HERC3: variants seen among roughly 807,000 people sequenced by gnomAD.
HERC3 encodes probable E3 ubiquitin-protein ligase HERC3.
In HERC3, 58 loss-of-function variants were observed where a neutral mutation model predicts 129.9. That is an observed-to-expected ratio of 0.45 (90% CI 0.36 to 0.56). The LOEUF is 0.56. HERC3 is among the 20% of genes least tolerant of loss of function. HERC3 has a pLI of 0.00. For synonymous variants in HERC3, 430 were observed against 451.0 expected (o/e 0.95, Z 0.59); for missense variants, 835 against 1,244.2 (o/e 0.67, Z 4.95).
chr4:88,554,159 A>G, the HERC3 span, among the ~76,000 whole-genome samples: 1 of 152,112 alleles, frequency 6.6e-6, no homozygotes, highest in African/African-American at 2.4e-5. Context: ...CATCCTGGCC[A>G]ACATGGTGAA....
chr4:88,539,773 G>A, the HERC3 span, among the ~76,000 whole-genome samples: 255 of 152,270 alleles, frequency 1.7e-3, 2 homozygotes, highest in African/African-American at 6.0e-3. Flanking sequence ...TGCAGCTTCC[G>A]CTGGTGATAC....
intron 10 of HERC3, among the ~76,000 whole-genome samples, chr4:88,659,476 A>G (rs1320709730): frequency 6.6e-6 from 1 of 152,228 alleles, no homozygotes; most frequent in Non-Finnish European, 1.5e-5. Flanking sequence ...CCGAGGCTGT[A>G]GGCTGGACAG....
At position 88,677,960 on chromosome 4, in the gene HERC3, C is replaced by G. The variant is rs1339941357; in HGVS notation, c.2026-4C>G. On this transcript the variant is annotated splice_polypyrimidine_tract_variant and splice_region_variant and intron_variant, in intron 18 of 25. Transcript: ENST00000402738. ...TAATTGCTTTCTTGACTGTGCCATT[C>G]CAGGTGGCAGTCAATGGAGCCAACC... is the stretch of plus-strand genomic sequence containing the variant. 6.2e-7 allele frequency: 1 copy of G among 1,610,452 alleles called. No individual in the cohort carries two copies. The highest frequency in any genetic ancestry group is 8.5e-7 in the Non-Finnish European group (1 of 1,179,800).
intron 2 of HERC3, among the ~76,000 whole-genome samples, chr4:88,601,262 A>G (rs1722931184): frequency 6.6e-6 from 1 of 152,228 alleles, no homozygotes; most frequent in Non-Finnish European, 1.5e-5. Context: ...AGTTCAAAGC[A>G]TACCTCAGGA....
chr4:88,579,338 C>T, the HERC3 span, among the ~76,000 whole-genome samples: 5 of 151,702 alleles, frequency 3.3e-5, no homozygotes, highest in African/African-American at 1.2e-4. Flanking sequence ...GCCTGGGAGG[C>T]GGAAGTTGCA....
chr4:88,599,339 A>G (rs765132133), intron 2 of HERC3, among the ~76,000 whole-genome samples: 5 of 151,526 alleles, frequency 3.3e-5, no homozygotes, highest in Non-Finnish European at 7.4e-5. Flanking sequence ...TAGTTTATTT[A>G]CAGATACACA....
the HERC3 span, among the ~76,000 whole-genome samples, chr4:88,534,903 C>T: frequency 6.6e-6 from 1 of 152,088 alleles, no homozygotes; most frequent in South Asian, 2.1e-4. Flanking sequence ...AAATGAACCT[C>T]CAAAAGAAGT....
At chr4:88,659,858 G>A (rs904318695) in intron 10 of HERC3, among the ~76,000 whole-genome samples, 2 of 152,094 alleles carry the variant, frequency 1.3e-5, no homozygotes, top group Admixed American at 6.6e-5. Flanking sequence ...TCTGATATAT[G>A]TAACTGATTT....
chr4:88,704,741 C>T (rs2149351989), intron 25 of HERC3, 131 bp downstream of exon 25: 1 of 630,024 alleles, frequency 1.6e-6, no homozygotes, highest in East Asian at 2.8e-5. Context: ...TATATGTATG[C>T]TTTTTGTCTT....
chr4:88,676,667 A>G (rs545079708), intron 18 of HERC3, among the ~76,000 whole-genome samples: 2 of 152,368 alleles, frequency 1.3e-5, no homozygotes, highest in East Asian at 3.9e-4. Flanking sequence ...TGGGAACCGT[A>G]TGGTCTCTGT....
At chr4:88,622,893 C>T (rs2149224548) in intron 3 of HERC3, among the ~76,000 whole-genome samples, 1 of 152,286 alleles carries the variant, frequency 6.6e-6, no homozygotes, top group East Asian at 1.9e-4. Flanking sequence ...TGCGTCACTG[C>T]ACTCCAGCCT....
the HERC3 span, among the ~76,000 whole-genome samples, chr4:88,586,741 CA>C: frequency 6.6e-6 from 1 of 152,192 alleles, no homozygotes; most frequent in Non-Finnish European, 1.5e-5. Flanking sequence ...GTGAAAAGGA[CA>C]GATCATTTCA....
intron 1 of HERC3, among the ~76,000 whole-genome samples, chr4:88,592,832 C>T (rs1721860617): frequency 6.6e-6 from 1 of 152,074 alleles, no homozygotes; most frequent in Admixed American, 6.5e-5. Flanking sequence ...GCCCTCCGGT[C>T]AGAGAGCCCC....
chr4:88,662,870 T>C (rs1400239735), intron 11 of HERC3, among the ~76,000 whole-genome samples: 1 of 152,128 alleles, frequency 6.6e-6, no homozygotes, highest in Non-Finnish European at 1.5e-5. Context: ...TATGGTTAAC[T>C]CCCATGGGTT....
upstream of HERC3, among the ~76,000 whole-genome samples, chr4:88,590,282 C>T (rs1457563821): frequency 6.6e-6 from 1 of 151,164 alleles, no homozygotes; most frequent in East Asian, 2.0e-4. Flanking sequence ...AAACAAACTC[C>T]GGGCGCGGTG....
chr4:88,626,478 T>G (rs1434172602), intron 3 of HERC3, among the ~76,000 whole-genome samples: 1 of 152,166 alleles, frequency 6.6e-6, no homozygotes, highest in South Asian at 2.1e-4. Context: ...TTATTATTTG[T>G]TTTTTCAGCT....
At chr4:88,669,826 CA>C in intron 14 of HERC3, 33 bp from the exon 15 acceptor site, 1 of 1,576,774 alleles carries the variant, frequency 6.3e-7, no homozygotes. Context: ...CCCAAGATTA[CA>C]TGTTGAAATA....
chr4:88,590,880 TTTC>T (rs1721663945), upstream of HERC3, among the ~76,000 whole-genome samples: 3 of 147,182 alleles, frequency 2.0e-5, no homozygotes, highest in African/African-American at 7.8e-5. Context: ...TTTTTTCCTT[TTTC>T]TTTCTTTTTT....
At chr4:88,545,264 CA>C in the HERC3 span, among the ~76,000 whole-genome samples, 1 of 151,998 alleles carries the variant, frequency 6.6e-6, no homozygotes, top group African/African-American at 2.4e-5. Context: ...TCTGTGCCCA[CA>C]GAAATTAAAA....
Sources: gnomAD v4.1 joint callset for allele counts (sites outside exome capture counted in the v4.1 genomes callset) on GRCh38, gnomAD v4.1.1 for gene constraint, MANE v1.5 for transcripts, NCBI Gene and HGNC (gene_info 2026-07-23, HGNC 2026-07-21) for gene names.